FASTKD1: variants seen among roughly 807,000 people sequenced by gnomAD.
The protein encoded by FASTKD1 is FAST kinase domains 1, also known as FAST kinase domain-containing protein 1, mitochondrial.
Under a neutral mutation model 90.9 loss-of-function variants are expected in FASTKD1, and 94 were observed. The ratio of observed to expected loss-of-function variants is 1.03; its 90% CI spans 0.88 to 1.23. The LOEUF is 1.23. Among genes scored for constraint, FASTKD1 ranks in the 50% most tolerant of loss-of-function variants. The pLI is 0.00. For synonymous variants in FASTKD1, 319 were observed against 345.8 expected (o/e 0.92, Z 0.86); for missense variants, 945 against 993.5 (o/e 0.95, Z 0.66).
chr2:169,544,626 A>T, intron 9 of FASTKD1, 95 bp downstream of exon 9: 1 of 728,796 alleles, frequency 1.4e-6, no homozygotes, highest in Non-Finnish European at 2.4e-6. Flanking sequence ...CATGTCTATT[A>T]TGGTTACCCT....
chr2:169,571,700 T>C lies in FASTKD1; in HGVS notation c.330A>G (p.Lys110=). Residue 110 remains lysine (K), a synonymous_variant, in exon 2 of 15, where the codon AAA becomes AAG. Coordinates refer to ENST00000453153, the MANE Select transcript of FASTKD1 (RefSeq NM_024622.6). Reference sequence around the variant, plus strand: ...TCACCAGGGTATCGTCATTCATTAATTTGAATTTATTTGTAGCTAAATTAT... The same window carrying C: ...TCACCAGGGTATCGTCATTCATTAACTTGAATTTATTTGTAGCTAAATTAT... ...TLHNLATNKF[K]LMNDDTLVNV... 1 of 1,612,102 alleles carries C rather than the reference T, an allele frequency of 6.2e-7. No homozygotes were observed. Among genetic ancestry groups the C allele is most frequent in the Non-Finnish European group, 8.5e-7 (1 of 1,178,336 alleles).
In FASTKD1 at chr2:169,529,631, T is replaced by A. The variant is rs1290263003; in HGVS notation, c.*194A>T. 6.0e-6 allele frequency: 3 copies of A among 497,700 alleles called. No homozygotes were observed. The highest frequency in any genetic ancestry group is 3.8e-5 in the Admixed American group (1 of 26,454). The allele number at this position is 497,700 out of a possible 1,614,324, so 30.8% of individuals were successfully genotyped here. On this transcript the variant is annotated 3_prime_UTR_variant, in exon 15 of 15. Coordinates refer to ENST00000453153, the MANE Select transcript of FASTKD1 (RefSeq NM_024622.6). Reference sequence around the variant, plus strand: ...GGTTGTATTTGACTCTGTTATCTCTTATCTTTTCTCTTATACACTCCCACC... The same window carrying A: ...GGTTGTATTTGACTCTGTTATCTCTAATCTTTTCTCTTATACACTCCCACC...
intron 7 of FASTKD1, among the ~76,000 whole-genome samples, chr2:169,550,715 A>G (rs1685454456): frequency 6.6e-6 from 1 of 151,886 alleles, no homozygotes. Context: ...CTGGCCTCAA[A>G]TGATCCTCCT....
chr2:169,566,185 G>T (rs1013833820), intron 3 of FASTKD1, among the ~76,000 whole-genome samples: 5 of 152,124 alleles, frequency 3.3e-5, no homozygotes, highest in African/African-American at 4.8e-5. Flanking sequence ...CTTCTGAGTA[G>T]CTGAAACTAC....
Position 169,534,701 on chromosome 2 carries a change from C to T in FASTKD1, c.2188+2526G>A, listed in dbSNP as rs368950081. Among the ~76,000 whole-genome samples, 45 of 152,000 alleles carry T rather than the reference C, an allele frequency of 3.0e-4. 1 individual carries two copies. In the South Asian group the frequency reaches 8.3e-3, roughly 28 times the overall value. On this transcript the variant is annotated intron_variant, in intron 12 of 14. Coordinates refer to ENST00000453153, the MANE Select transcript of FASTKD1 (RefSeq NM_024622.6). Reference sequence around the variant, plus strand: ...CTCGAACTCCCAACCTCAGGTAATCCGCCCGCCTCTGTCTCCCAAAGTGCT... The same window carrying T: ...CTCGAACTCCCAACCTCAGGTAATCTGCCCGCCTCTGTCTCCCAAAGTGCT...
intron 5 of FASTKD1, among the ~76,000 whole-genome samples, chr2:169,558,452 T>G (rs1683428314): frequency 6.6e-6 from 1 of 151,674 alleles, no homozygotes; most frequent in African/African-American, 2.4e-5. Context: ...TTTTGTATTT[T>G]TTTGTTTGTT....
At chr2:169,553,231 A>G (rs1685574403) in intron 7 of FASTKD1, among the ~76,000 whole-genome samples, 1 of 150,690 alleles carries the variant, frequency 6.6e-6, no homozygotes, top group Non-Finnish European at 1.5e-5. Context: ...AATAAAAATA[A>G]ATAAAAACAT....
At chr2:169,537,124 G>C in intron 12 of FASTKD1, 103 bp downstream of exon 12, 1 of 689,524 alleles carries the variant, frequency 1.5e-6, no homozygotes, top group East Asian at 3.1e-5. Context: ...ATAACAACTT[G>C]AAAAAAATTC....
intron 7 of FASTKD1, among the ~76,000 whole-genome samples, chr2:169,548,731 C>CAAAAA (rs58560988): frequency 5.6e-5 from 2 of 35,660 alleles, no homozygotes. Context: ...GACTCCGCCT[C>CAAAAA]AAAAAAAAAA....
At chr2:169,551,950 T>A (rs1685508987) in intron 7 of FASTKD1, among the ~76,000 whole-genome samples, 1 of 152,134 alleles carries the variant, frequency 6.6e-6, no homozygotes, top group Non-Finnish European at 1.5e-5. Flanking sequence ...TTTCAATAAG[T>A]TAAAAAACAA....
intron 4 of FASTKD1, among the ~76,000 whole-genome samples, chr2:169,561,748 ATAAATTATTTATTAATTTATTG>A (rs1270462896): frequency 0.013 from 941 of 73,546 alleles, 18 homozygotes; most frequent in Non-Finnish European, 0.022. Flanking sequence ...ATTATTCATT[ATAAATTATTTATTAATTTATTG>A]TAAATTATTT....
chr2:169,537,169 T>G (rs1348372381), intron 12 of FASTKD1, 58 bp downstream of exon 12: 6 of 1,016,400 alleles, frequency 5.9e-6, no homozygotes, highest in Non-Finnish European at 6.1e-6. Context: ...GATAAGATGA[T>G]TCTATTCAAA....
chr2:169,546,051 C>A (rs1474555223), intron 8 of FASTKD1, among the ~76,000 whole-genome samples, 167 bp downstream of exon 8: 1 of 152,182 alleles, frequency 6.6e-6, no homozygotes, highest in Non-Finnish European at 1.5e-5. Flanking sequence ...CCCACCTCAG[C>A]CTCCCAACCG....
Position 169,546,210 on chromosome 2 carries a change from A to G in FASTKD1, c.1701+8T>C. 6.5e-7 allele frequency: 1 copy of G among 1,532,124 alleles called. No homozygotes were observed. Among genetic ancestry groups the G allele is most frequent in the Non-Finnish European group, 8.8e-7 (1 of 1,141,728 alleles). The allele number at this position is 1,532,124 out of a possible 1,614,324, so 94.9% of individuals were successfully genotyped here. A position where few individuals can be genotyped will look rare whatever the true frequency, so the allele number is the denominator to read the frequency against. ...CTATAAAATTAATGTCTACCATTTA[A>G]ATTTCACCTTTTCAATCTGCTGAAC... On this transcript the variant is annotated splice_region_variant and intron_variant, in intron 8 of 14. Transcript: ENST00000453153.
intron 7 of FASTKD1, among the ~76,000 whole-genome samples, chr2:169,548,175 C>G (rs1266012429): frequency 6.6e-6 from 1 of 151,894 alleles, no homozygotes; most frequent in Non-Finnish European, 1.5e-5. Flanking sequence ...CATGTCAGAA[C>G]AATGTTTCCA....
In FASTKD1 at chr2:169,562,070, AAAAT is replaced by A. The variant is rs1362636030; in HGVS notation, c.572+1151_572+1154del. 5.1e-4 allele frequency among the ~76,000 whole-genome samples: 62 copies of A among 122,324 alleles called. 16 individuals carry two copies. Among genetic ancestry groups the A allele is most frequent in the Non-Finnish European group, 7.5e-4 (44 of 58,822 alleles). 80.2% of individuals were successfully genotyped at this position (122,324 alleles called of 152,430 possible). ...AATTAATTATTTATTAATTTATTGT[AAAAT>A]AATTATTTATTAATTTATTGTAAAA... On this transcript the variant is annotated intron_variant, in intron 4 of 14. Coordinates refer to ENST00000453153, the MANE Select transcript of FASTKD1 (RefSeq NM_024622.6).
At chr2:169,537,124 G>T in intron 12 of FASTKD1, 103 bp downstream of exon 12, 7 of 689,496 alleles carry the variant, frequency 1.0e-5, no homozygotes, top group Non-Finnish European at 1.5e-5. Flanking sequence ...ATAACAACTT[G>T]AAAAAAATTC....
intron 4 of FASTKD1, 49 bp from the exon 5 acceptor site, chr2:169,560,834 CAATTCTT>C: frequency 2.4e-6 from 1 of 416,538 alleles, no homozygotes; most frequent in South Asian, 4.3e-5. Context: ...TAAGAATGAT[CAATTCTT>C]TTTTTTTTTT....
Position 169,546,400 on chromosome 2 carries a change from G to C in FASTKD1, c.1519C>G (p.Leu507Val), listed in dbSNP as rs1685197341. 1 of 1,614,004 alleles carries C rather than the reference G, an allele frequency of 6.2e-7. No homozygotes were observed. The highest frequency in any genetic ancestry group is 1.3e-5 in the African/African-American group (1 of 74,910). ...LDLLRKELKS[L>V]KGNTFPESLL... ...GACTCAGGAAACGTGTTTCCTTTGA[G>C]AGATTTAAGTTCCTTCCGTAACAGA... The change falls in exon 8 of 15, where the codon CTC becomes GTC. Residue 507 changes from leucine (L) to valine (V), a missense_variant. Physicochemically the swap from Leu to Val is conservative, Grantham distance 32. Transcript: ENST00000453153.
Sources: allele counts gnomAD v4.1 joint callset (sites outside exome capture counted in the v4.1 genomes callset), GRCh38; gene constraint gnomAD v4.1.1; transcripts MANE v1.5; gene names NCBI Gene and HGNC (gene_info 2026-07-23, HGNC 2026-07-21).